Variants in ERC2 observed in about 807,000 individuals in gnomAD.
The protein encoded by ERC2 is ERC protein 2.
ERC2 carries 42 observed loss-of-function variants against 114.8 expected under a neutral mutation model. The observed-to-expected ratio is 0.37, with a 90% confidence interval of 0.29 to 0.47. The LOEUF is 0.47. Ranked by LOEUF, ERC2 falls within the 20% of genes least tolerant of loss-of-function variation. ERC2 has a pLI of 0.99. For missense variants in ERC2, 939 were observed against 1,150.7 expected (o/e 0.82, Z 2.66); for synonymous variants, 454 against 425.5 (o/e 1.07, Z -0.82).
intron 2 of ERC2, among the ~76,000 whole-genome samples, chr3:56,372,910 T>G (rs73073910): frequency 0.033 from 5,069 of 152,278 alleles, 178 homozygotes; most frequent in African/African-American, 0.081. Flanking sequence ...TGGCGTAATA[T>G]GAATAATAAC....
chr3:55,954,655 A>G (rs1300393400), intron 12 of ERC2, among the ~76,000 whole-genome samples: 2 of 152,216 alleles, frequency 1.3e-5, no homozygotes, highest in African/African-American at 4.8e-5. Context: ...AAAAACTTTT[A>G]AAGATTGGTA....
intron 14 of ERC2, among the ~76,000 whole-genome samples, chr3:55,830,954 A>T (rs1435862639): frequency 6.6e-6 from 1 of 151,990 alleles, no homozygotes; most frequent in African/African-American, 2.4e-5. Context: ...TTTAAAAACT[A>T]AAATAAAACA....
chr3:55,528,504 C>A (rs1455728441), intron 17 of ERC2, among the ~76,000 whole-genome samples: 1 of 152,098 alleles, frequency 6.6e-6, no homozygotes, highest in South Asian at 2.1e-4. Flanking sequence ...GGGCACTGAG[C>A]CAGGGACTGT....
intron 7 of ERC2, among the ~76,000 whole-genome samples, chr3:56,026,063 T>C (rs368302766): frequency 7.0e-6 from 1 of 142,602 alleles, no homozygotes; most frequent in Admixed American, 6.9e-5. Flanking sequence ...CTTTCTTTTT[T>C]TTTTTTTTTT....
intron 2 of ERC2, among the ~76,000 whole-genome samples, chr3:56,373,281 C>A (rs73073971): frequency 0.061 from 9,290 of 152,038 alleles, 412 homozygotes; most frequent in African/African-American, 0.11. Context: ...CGATATTCAC[C>A]AAAAAAATCT....
intron 14 of ERC2, among the ~76,000 whole-genome samples, chr3:55,779,559 G>A (rs567510210): frequency 1.8e-4 from 28 of 151,822 alleles, no homozygotes; most frequent in South Asian, 1.3e-3. Flanking sequence ...CAAAGCTGAC[G>A]TATCTTGGAT....
chr3:55,946,169 C>G (rs940182071), intron 13 of ERC2, among the ~76,000 whole-genome samples: 3 of 152,062 alleles, frequency 2.0e-5, no homozygotes, highest in Non-Finnish European at 4.4e-5. Flanking sequence ...GTTGAAAAAC[C>G]TCCATGTGGG....
At chr3:55,527,288 T>C (rs182930119) in intron 17 of ERC2, among the ~76,000 whole-genome samples, 6 of 152,282 alleles carry the variant, frequency 3.9e-5, no homozygotes, top group Admixed American at 3.3e-4. Context: ...TTGAGAGAAA[T>C]AGCATAGACC....
At chr3:55,956,765 T>C (rs1431027068) in intron 12 of ERC2, among the ~76,000 whole-genome samples, 4 of 152,176 alleles carry the variant, frequency 2.6e-5, no homozygotes, top group Admixed American at 6.5e-5. Flanking sequence ...GTTTTGATCA[T>C]GGTCAACTGC....
intron 2 of ERC2, among the ~76,000 whole-genome samples, chr3:56,339,809 A>G (rs2058014870): frequency 6.6e-6 from 1 of 152,120 alleles, no homozygotes; most frequent in Non-Finnish European, 1.5e-5. Context: ...CCAGCTAATG[A>G]CAAGAGCAAC....
intron 2 of ERC2, among the ~76,000 whole-genome samples, chr3:56,363,724 C>T (rs923585389): frequency 6.7e-6 from 1 of 150,164 alleles, no homozygotes; most frequent in Admixed American, 6.7e-5. Flanking sequence ...ATGCTTTAGT[C>T]TATATACCTG....
chr3:55,648,917 G>T (rs1045191237), intron 17 of ERC2, among the ~76,000 whole-genome samples: 8 of 152,152 alleles, frequency 5.3e-5, no homozygotes, highest in Non-Finnish European at 1.2e-4. Flanking sequence ...AGTGGGACCA[G>T]GGAGGGGACA....
chr3:55,787,237 G>A (rs943297143), intron 14 of ERC2, among the ~76,000 whole-genome samples: 1 of 152,076 alleles, frequency 6.6e-6, no homozygotes, highest in African/African-American at 2.4e-5. Flanking sequence ...GAAATATGGT[G>A]AAACCCTGTC....
intron 17 of ERC2, among the ~76,000 whole-genome samples, chr3:55,651,401 A>G (rs373185173): frequency 6.6e-6 from 1 of 151,614 alleles, no homozygotes; most frequent in African/African-American, 2.4e-5. Context: ...CTTACATTAA[A>G]TTGTCTACAT....
chr3:55,599,592 G>T (rs1453170807), intron 17 of ERC2, among the ~76,000 whole-genome samples: 2 of 152,104 alleles, frequency 1.3e-5, no homozygotes, highest in African/African-American at 4.8e-5. Flanking sequence ...GATAAGTCAT[G>T]GAAAATGTAG....
At chr3:55,636,646 A>C (rs1239557116) in intron 17 of ERC2, among the ~76,000 whole-genome samples, 3 of 152,214 alleles carry the variant, frequency 2.0e-5, no homozygotes, top group African/African-American at 7.2e-5. Flanking sequence ...TAAATATCTT[A>C]AGCTTTGCAG....
chr3:56,041,550 G>A (rs926967206), intron 7 of ERC2, among the ~76,000 whole-genome samples: 2 of 152,118 alleles, frequency 1.3e-5, no homozygotes, highest in East Asian at 3.9e-4. Context: ...CACTCCTTTG[G>A]CCAGAGAAAG....
chr3:56,395,530 T>C (rs1043357479), intron 2 of ERC2, among the ~76,000 whole-genome samples: 1 of 152,180 alleles, frequency 6.6e-6, no homozygotes, highest in Non-Finnish European at 1.5e-5. Flanking sequence ...TGGTGCTGTC[T>C]TCGCAATAGT....
intron 3 of ERC2, among the ~76,000 whole-genome samples, chr3:56,196,160 C>A (rs974646510): frequency 2.0e-5 from 3 of 152,162 alleles, no homozygotes; most frequent in African/African-American, 7.2e-5. Context: ...CCTTGGCAAG[C>A]TGCTACACCA....
Sources: gnomAD v4.1 joint callset for allele counts (sites outside exome capture counted in the v4.1 genomes callset) on GRCh38, gnomAD v4.1.1 for gene constraint, MANE v1.5 for transcripts, NCBI Gene and HGNC (gene_info 2026-07-23, HGNC 2026-07-21) for gene names.